STRBP: variants seen among roughly 807,000 people sequenced by gnomAD.
The protein encoded by STRBP is spermatid perinuclear RNA binding protein, also known as spermatid perinuclear RNA-binding protein.
STRBP carries 13 observed loss-of-function variants against 80.1 expected under a neutral mutation model. The ratio of observed to expected loss-of-function variants is 0.16; its 90% CI spans 0.11 to 0.26. The LOEUF (loss-of-function observed/expected upper bound fraction) is 0.26, where lower values mean the gene tolerates loss of function less well. STRBP is among the 10% of genes least tolerant of loss of function. The pLI, the probability that STRBP is intolerant of heterozygous loss-of-function variation, is 1.00. For missense variants in STRBP, 485 were observed against 815.2 expected, an observed-to-expected ratio of 0.59 and a Z score of 4.93; for synonymous variants, 284 against 291.2, an observed-to-expected ratio of 0.98 and a Z score of 0.25.
At chr9:123,206,869 C>T (rs1285043485) in intron 2 of STRBP, among the ~76,000 whole-genome samples, 1 of 152,116 alleles carries the variant, frequency 6.6e-6, no homozygotes, top group African/African-American at 2.4e-5. Flanking sequence ...AACTACTGAC[C>T]TCAGGTGATC....
At chr9:123,251,499 T>A (rs2040916123) in intron 1 of STRBP, among the ~76,000 whole-genome samples, 1 of 152,190 alleles carries the variant, frequency 6.6e-6, no homozygotes, top group African/African-American at 2.4e-5. Flanking sequence ...CTTTACCAGG[T>A]AACCTTCATA....
intron 2 of STRBP, among the ~76,000 whole-genome samples, chr9:123,235,584 C>CAAAAAAA (rs71390421): frequency 1.4e-4 from 5 of 36,528 alleles, no homozygotes; most frequent in Non-Finnish European, 2.4e-4. Context: ...ACAAGTTCAG[C>CAAAAAAA]AAAAAAAAAA....
chr9:123,114,201 GA>G (rs1475241719), intron 3 of STRBP: 1 of 167,082 alleles, frequency 6.0e-6, no homozygotes, highest in African/African-American at 2.4e-5. Flanking sequence ...AACAGGTGCA[GA>G]AACCCATGCT....
chr9:123,131,946 A>C (rs2036154871), intron 17 of STRBP, among the ~76,000 whole-genome samples: 1 of 152,240 alleles, frequency 6.6e-6, no homozygotes, highest in African/African-American at 2.4e-5. Context: ...CCCAATCTTC[A>C]TGACAATTTT....
Position 123,122,518 on chromosome 9 carries a change from G to A in STRBP, c.*3079C>T. On this transcript the variant is annotated 3_prime_UTR_variant, in exon 19 of 19. Coordinates refer to ENST00000348403, the MANE Select transcript of STRBP (RefSeq NM_018387.5). ...TGTTCCCCAGGCTAACAATTTGAGA[G>A]AGACTACAAACGACTTCAGAACTAT... 2 of 1,181,118 alleles carry A rather than the reference G, an allele frequency of 1.7e-6. No individual in the cohort carries two copies. Among genetic ancestry groups the A allele is most frequent in the Non-Finnish European group, 2.1e-6 (2 of 943,350 alleles). The allele number at this position is 1,181,118 out of a possible 1,614,324, so 73.2% of individuals were successfully genotyped here.
At chr9:123,247,068 T>C (rs966784578) in intron 1 of STRBP, among the ~76,000 whole-genome samples, 2 of 152,114 alleles carry the variant, frequency 1.3e-5, no homozygotes, top group East Asian at 1.9e-4. Context: ...AAAAAAAGTT[T>C]TGAAAAAACC....
chr9:123,234,855 G>T (rs1347782185), intron 2 of STRBP, among the ~76,000 whole-genome samples: 1 of 152,010 alleles, frequency 6.6e-6, no homozygotes, highest in Non-Finnish European at 1.5e-5. Flanking sequence ...AGCTACTTGG[G>T]AGGCCAAGGC....
chr9:123,213,240 C>T lies in STRBP; in HGVS notation c.-165+23590G>A, dbSNP rs187317253. 3.2e-4 allele frequency among the ~76,000 whole-genome samples: 49 copies of T among 152,322 alleles called. 2 individuals carry two copies. Among genetic ancestry groups the T allele is most frequent in the Admixed American group, 2.2e-3 (34 of 15,306 alleles). On this transcript the variant is annotated intron_variant, in intron 2 of 18. Coordinates refer to ENST00000348403, the MANE Select transcript of STRBP (RefSeq NM_018387.5). ...TGAAACTCAAGGGACAGCAATATAACGCCATGAACTTGTGACTGGTGTTTT... is the reference window on the plus strand; with the variant it reads ...TGAAACTCAAGGGACAGCAATATAATGCCATGAACTTGTGACTGGTGTTTT...
Position 123,139,525 on chromosome 9 carries a change from A to G in STRBP, c.1497+4T>C. On this transcript the variant is annotated splice_donor_region_variant and intron_variant, in intron 14 of 18. Transcript: ENST00000348403. ...TTTTTTTTCTGAGAAAAAAATAAGT[A>G]TACCTCTAAGGTACTGGAGGTTTCA... is the stretch of plus-strand genomic sequence containing the variant. 6.4e-7 allele frequency: 1 copy of G among 1,573,534 alleles called. No homozygotes were observed. The highest frequency in any genetic ancestry group is 2.0e-5 in the Admixed American group (1 of 49,876).
chr9:123,179,253 T>TA (rs758933592), intron 3 of STRBP, 26 bp from the exon 4 acceptor site: 1 of 1,573,496 alleles, frequency 6.4e-7, no homozygotes, highest in Non-Finnish European at 8.7e-7. Flanking sequence ...CGAAAACAAT[T>TA]ACTTCAACAA....
chr9:123,129,473 T>G (rs1279579305), intron 17 of STRBP, among the ~76,000 whole-genome samples: 1 of 152,108 alleles, frequency 6.6e-6, no homozygotes, highest in Non-Finnish European at 1.5e-5. Context: ...CAAATGGAGC[T>G]TTTTCACATT....
chr9:123,214,298 G>A (rs1424890859), intron 2 of STRBP, among the ~76,000 whole-genome samples: 1 of 151,946 alleles, frequency 6.6e-6, no homozygotes, highest in Non-Finnish European at 1.5e-5. Flanking sequence ...ACCAAACATC[G>A]TATGTTCTCA....
chr9:123,119,088 C>T (rs1425618304), downstream of STRBP, among the ~76,000 whole-genome samples: 1 of 152,126 alleles, frequency 6.6e-6, no homozygotes, highest in Non-Finnish European at 1.5e-5. Context: ...GATTTTTCCC[C>T]CCAAAAGTAT....
intron 1 of STRBP, among the ~76,000 whole-genome samples, chr9:123,244,820 T>A (rs962052263): frequency 9.9e-5 from 15 of 152,146 alleles, no homozygotes; most frequent in Non-Finnish European, 1.8e-4. Context: ...CCCAAAGAAA[T>A]GGAAAATTAT....
intron 14 of STRBP, among the ~76,000 whole-genome samples, chr9:123,139,277 G>A (rs1048101473): frequency 6.6e-6 from 1 of 152,120 alleles, no homozygotes; most frequent in Non-Finnish European, 1.5e-5. Flanking sequence ...ATATTCAAGT[G>A]TTGTGCAGTT....
Position 123,185,889 on chromosome 9 carries a change from G to A in STRBP, c.-164-1591C>T, listed in dbSNP as rs893065017. Among the ~76,000 whole-genome samples, 26 of 151,846 alleles carry A rather than the reference G, an allele frequency of 1.7e-4. 1 individual carries two copies. The highest frequency in any genetic ancestry group is 3.1e-4 in the Non-Finnish European group (21 of 67,986). ...AACTAAAAATGCAAAAAAATTAGCC[G>A]GGCATGGTGGCGGGTGCCTGTAGTC... On this transcript the variant is annotated intron_variant, in intron 2 of 18. Transcript: ENST00000348403.
At chr9:123,142,357 T>C (rs1020342547) in intron 13 of STRBP, among the ~76,000 whole-genome samples, 2 of 152,144 alleles carry the variant, frequency 1.3e-5, no homozygotes, top group African/African-American at 4.8e-5. Context: ...CCTTCCACCA[T>C]GATTAAAAGT....
At chr9:123,194,750 A>G (rs1323210573) in intron 2 of STRBP, among the ~76,000 whole-genome samples, 2 of 151,634 alleles carry the variant, frequency 1.3e-5, no homozygotes, top group East Asian at 1.9e-4. Flanking sequence ...CTCTTAGTTG[A>G]CTTCTCAGCA....
At chr9:123,222,951 C>CAA (rs895203103) in intron 2 of STRBP, among the ~76,000 whole-genome samples, 3 of 135,760 alleles carry the variant, frequency 2.2e-5, no homozygotes, top group Admixed American at 1.5e-4. Flanking sequence ...AGGTGAATAC[C>CAA]AAAAAAAAAA....
Sources: gnomAD v4.1 joint callset for allele counts (sites outside exome capture counted in the v4.1 genomes callset) on GRCh38, gnomAD v4.1.1 for gene constraint, MANE v1.5 for transcripts, NCBI Gene and HGNC (gene_info 2026-07-23, HGNC 2026-07-21) for gene names.